SP7: variants seen among roughly 807,000 people sequenced by gnomAD.
SP7 encodes Sp7 transcription factor.
In SP7, 13 loss-of-function variants were observed where a neutral mutation model predicts 27.9. The observed-to-expected ratio is 0.47, with a 90% CI of 0.30 to 0.74. The LOEUF (loss-of-function observed/expected upper bound fraction) is 0.74. Ranked by LOEUF, SP7 falls within the 30% of genes least tolerant of loss-of-function variation. SP7 has a pLI of 0.06. For synonymous variants in SP7, 219 were observed against 226.7 expected (o/e 0.97, Z 0.31); for missense variants, 525 against 558.0 (o/e 0.94, Z 0.60).
At chr12:53,332,654 C>A (rs1281568395) in intron 2 of SP7, among the ~76,000 whole-genome samples, 1 of 151,804 alleles carries the variant, frequency 6.6e-6, no homozygotes, top group Non-Finnish European at 1.5e-5. Flanking sequence ...AAGACACAAA[C>A]TAAGAAGGAG....
rs1044562645 is a variant in SP7 at position 53,335,701 on chromosome 12, G to C, written c.-47-8C>G. The C allele has an allele frequency of 1.0e-5, 15 of 1,446,544 alleles. No individual in the cohort carries two copies. The highest frequency in any genetic ancestry group is 1.4e-5 in the Non-Finnish European group (15 of 1,082,522). 89.6% of individuals were successfully genotyped at this position (1,446,544 alleles called of 1,614,324 possible). A position where few individuals can be genotyped will look rare whatever the true frequency, so the allele number is the denominator to read the frequency against. On this transcript the variant is annotated splice_region_variant and splice_polypyrimidine_tract_variant and intron_variant, in intron 1 of 2. Transcript: ENST00000536324. Reference sequence around the variant, plus strand: ...CCAGGCAGATGGAGAGAGCTGAGCCGGGGGGTGGGGGGGGTAGAGAGAGAA... The same window carrying C: ...CCAGGCAGATGGAGAGAGCTGAGCCCGGGGGTGGGGGGGGTAGAGAGAGAA...
chr12:53,330,555 C>G (rs905470559), intron 2 of SP7, among the ~76,000 whole-genome samples: 1 of 152,138 alleles, frequency 6.6e-6, no homozygotes, highest in Non-Finnish European at 1.5e-5. Context: ...GGGATAGAGA[C>G]AGCAGCTAGG....
upstream of SP7, among the ~76,000 whole-genome samples, chr12:53,339,154 C>G (rs1301123034): frequency 2.0e-5 from 3 of 152,170 alleles, no homozygotes; most frequent in Non-Finnish European, 4.4e-5. Flanking sequence ...CACCACCCCC[C>G]ACCACCCTGG....
upstream of SP7, among the ~76,000 whole-genome samples, chr12:53,339,655 G>T (rs915327263): frequency 6.6e-6 from 1 of 151,174 alleles, no homozygotes; most frequent in African/African-American, 2.4e-5. Context: ...AACCCAGGAG[G>T]TGGAGATTGC....
In SP7 at chr12:53,329,004, G is replaced by A. The variant is rs1409840220; in HGVS notation, c.438C>T (p.Gly146=). ...GSWYKAGIHA[G]ISPGPGNTPT... is the part of the protein sequence containing the mutation. Reference sequence around the variant, plus strand: ...GAGTGTTGCCTGGGCCTGGTGAAATGCCTGCATGGATGCCTGCCTTGTACC... The same window carrying A: ...GAGTGTTGCCTGGGCCTGGTGAAATACCTGCATGGATGCCTGCCTTGTACC... The change falls in exon 3 of 3, where the codon GGC becomes GGT. Residue 146 remains glycine, a synonymous_variant. Transcript: ENST00000536324. 3 of 1,613,612 alleles carry A rather than the reference G, an allele frequency of 1.9e-6. No individual in the cohort carries two copies. The highest frequency in any genetic ancestry group is 3.3e-5 in the Admixed American group (2 of 59,934).
upstream of SP7, among the ~76,000 whole-genome samples, chr12:53,340,559 C>T (rs1430028730): frequency 1.3e-5 from 2 of 152,178 alleles, no homozygotes; most frequent in Non-Finnish European, 2.9e-5. Context: ...CCCACCCAGG[C>T]CCCCGCTGCT....
rs1302543446 is a variant in SP7 at position 53,328,807 on chromosome 12, G to T, written c.635C>A (p.Ala212Asp). 6.3e-7 allele frequency: 1 copy of T among 1,596,054 alleles called. No homozygotes were observed. The highest frequency in any genetic ancestry group is 1.3e-5 in the African/African-American group (1 of 74,644). The change falls in exon 3 of 3, where the codon GCT becomes GAT. Residue 212 changes from alanine (A) to aspartate (D), a missense_variant. By Grantham distance (126) the Ala-to-Asp change is moderately radical (BLOSUM62 -2). Transcript: ENST00000536324. This position sits in a 1 kb window ranked among gnomAD's most constrained non-coding sequence, Gnocchi z 5.1. ...GGGCCCTGGTTGCAAGAGGTGGGGA[G>T]CTGGGTAGGGGGCTGGATTAAGGGG... ...FAPLNPAPYPAPHLLQPGPQH... is the reference protein window; with the variant it reads ...FAPLNPAPYPDPHLLQPGPQH...
At chr12:53,331,499 G>A (rs1944705487) in intron 2 of SP7, among the ~76,000 whole-genome samples, 1 of 146,690 alleles carries the variant, frequency 6.8e-6, no homozygotes. Context: ...GAAAGGCAAA[G>A]GTATCTTCTT....
chr12:53,335,625 C>A lies in SP7; in HGVS notation c.21+1G>T. 1 of 1,541,326 alleles carries A rather than the reference C, an allele frequency of 6.5e-7. No individual in the cohort carries two copies. The highest frequency in any genetic ancestry group is 8.8e-7 in the Non-Finnish European group (1 of 1,138,214). On this transcript the variant is annotated splice_donor_variant, in intron 2 of 2. Coordinates refer to ENST00000536324, the MANE Select transcript of SP7 (RefSeq NM_001173467.3). LOFTEE classifies it high-confidence loss of function. ...TCCTGGGGGGAAGAGGGGACAGTTA[C>A]CTCAAGCAGGGAGGACGCCATCCTG...
chr12:53,333,508 G>A (rs958483580), intron 2 of SP7, among the ~76,000 whole-genome samples: 10 of 152,118 alleles, frequency 6.6e-5, no homozygotes, highest in African/African-American at 1.4e-4. Context: ...GCCTCCCAGC[G>A]GAAGTGCTCA....
At position 53,328,415 on chromosome 12, in the gene SP7, G is replaced by C; in HGVS notation, c.1027C>G (p.Arg343Gly). ...TCCCGGGTGTGAGTGCGCACATGAC[G>C]CTCCAGCTCATCCGAACGAGTGAAC... is the stretch of plus-strand genomic sequence containing the variant. Reference protein sequence around the residue: ...KRFTRSDELERHVRTHTREKK... With the variant: ...KRFTRSDELEGHVRTHTREKK... The change falls in exon 3 of 3, where the codon CGT becomes GGT. Residue 343 changes from arginine (R) to glycine (G), a missense_variant. Transcript: ENST00000536324. The surrounding 1 kb of genome is among the most constrained non-coding windows in gnomAD (Gnocchi z 5.1). 6.2e-7 allele frequency: 1 copy of C among 1,613,930 alleles called. No individual in the cohort carries two copies. The highest frequency in any genetic ancestry group is 1.1e-5 in the South Asian group (1 of 91,076).
chr12:53,334,920 A>G (rs1944749053), intron 2 of SP7, among the ~76,000 whole-genome samples: 1 of 152,196 alleles, frequency 6.6e-6, no homozygotes, highest in Non-Finnish European at 1.5e-5. Context: ...CCCACTCCCA[A>G]AATAGAGCTG....
At chr12:53,337,345 G>C (rs778061979), upstream of SP7, among the ~76,000 whole-genome samples, 2 of 152,194 alleles carry the variant, frequency 1.3e-5, no homozygotes, top group Non-Finnish European at 2.9e-5. Flanking sequence ...GTAAGAGAAG[G>C]AAGGGCAGCC....
rs1469426792 is a variant in SP7 at position 53,344,585 on chromosome 12, A to AC, written c.-34+528dup. Among the ~76,000 whole-genome samples, 2 of 151,242 alleles carry AC rather than the reference A, an allele frequency of 1.3e-5. No homozygotes were observed. Among genetic ancestry groups the AC allele is most frequent in the Non-Finnish European group, 2.9e-5 (2 of 67,814 alleles). On this transcript the variant is annotated intron_variant, in intron 1 of 1. Transcript: ENST00000547755. The surrounding 1 kb of genome is among the most constrained non-coding windows in gnomAD (Gnocchi z 4.6). ...AAAGCGCTGTTCAATGCCCCCATCC[A>AC]CCCCCACCTCGCGTGGACGTGTGAG...
chr12:53,333,819 G>C (rs1384184294), intron 2 of SP7, among the ~76,000 whole-genome samples: 1 of 152,166 alleles, frequency 6.6e-6, no homozygotes, highest in Non-Finnish European at 1.5e-5. Context: ...CAAAAACTAG[G>C]TGCAAGTGGT....
At chr12:53,343,098 C>T (rs896056919) in intron 1 of SP7, among the ~76,000 whole-genome samples, 3 of 150,352 alleles carry the variant, frequency 2.0e-5, no homozygotes, top group African/African-American at 7.3e-5. Flanking sequence ...GAGTTTGAGA[C>T]CAGCCTGGGC....
chr12:53,338,660 C>T (rs966117882), upstream of SP7, among the ~76,000 whole-genome samples: 6 of 152,032 alleles, frequency 3.9e-5, no homozygotes, highest in African/African-American at 1.4e-4. Context: ...TATTCAAACC[C>T]TACTATTCTC....
chr12:53,329,008 G>A lies in SP7; in HGVS notation c.434C>T (p.Ala145Val). The A allele has an allele frequency of 6.2e-7, 1 of 1,613,662 alleles. No individual in the cohort carries two copies. The highest frequency in any genetic ancestry group is 8.5e-7 in the Non-Finnish European group (1 of 1,179,748). Residue 145 changes from alanine (A) to valine (V), a missense_variant, in exon 3 of 3, where the codon GCA becomes GTA. Physicochemically the swap from Ala to Val is moderately conservative, Grantham distance 64. Coordinates refer to ENST00000536324, the MANE Select transcript of SP7 (RefSeq NM_001173467.3). ...YGSWYKAGIH[A>V]GISPGPGNTP... ...GTTGCCTGGGCCTGGTGAAATGCCT[G>A]CATGGATGCCTGCCTTGTACCAGGA...
chr12:53,328,558 C>T lies in SP7; in HGVS notation c.884G>A (p.Ser295Asn). 3.1e-6 allele frequency: 5 copies of T among 1,611,896 alleles called. No homozygotes were observed. Among genetic ancestry groups the T allele is most frequent in the Non-Finnish European group, 3.4e-6 (4 of 1,178,458 alleles). Residue 295 changes from serine (S) to asparagine (N), a missense_variant, in exon 3 of 3, where the codon AGC (serine) becomes AAC (asparagine). Physicochemically the swap from Ser to Asn is conservative, Grantham distance 46 (BLOSUM62 1). Transcript: ENST00000536324. This position sits in a 1 kb window ranked among gnomAD's most constrained non-coding sequence, Gnocchi z 5.1. ...AAGLRKKPIH[S>N]CHIPGCGKVY... ...CTTGCCGCAGCCAGGGATGTGGCAG[C>T]TGTGGATGGGCTTCTTCCGCAGCCC...
Sources: gnomAD v4.1 joint callset for allele counts (sites outside exome capture counted in the v4.1 genomes callset) on GRCh38, gnomAD v4.1.1 for gene constraint, Gnocchi (gnomAD v3.1) non-coding constraint, MANE v1.5 for transcripts, NCBI Gene and HGNC (gene_info 2026-07-23, HGNC 2026-07-21) for gene names.